Variants in TRPM1 observed in about 807,000 individuals in gnomAD.
TRPM1 encodes the protein TRPM1-203 APA Isoform, Intron 10.
TRPM1 carries 113 observed loss-of-function variants against 149.4 expected under a neutral mutation model. That is an observed-to-expected ratio of 0.76 (90% CI 0.65 to 0.88). The LOEUF is 0.88. Ranked by LOEUF, TRPM1 falls within the 40% of genes least tolerant of loss-of-function variation. The pLI is 0.00. For synonymous variants in TRPM1, 741 were observed against 759.5 expected, an observed-to-expected ratio of 0.98 and a Z score of 0.40; for missense variants, 1,976 against 2,038.7, an observed-to-expected ratio of 0.97 and a Z score of 0.59.
intron 1 of TRPM1, among the ~76,000 whole-genome samples, chr15:31,111,032 G>A (rs548310964): frequency 2.0e-5 from 3 of 150,260 alleles, no homozygotes; most frequent in Non-Finnish European, 4.4e-5. Context: ...ATGGTTTTTT[G>A]TTTCTTTGTT....
At chr15:31,112,507 T>C (rs1241005198) in intron 1 of TRPM1, among the ~76,000 whole-genome samples, 1 of 152,196 alleles carries the variant, frequency 6.6e-6, no homozygotes, top group East Asian at 1.9e-4. Flanking sequence ...TAGTCCCAAA[T>C]GCTCCCCAGT....
chr15:31,132,773 T>G (rs1266927615), intron 1 of TRPM1, among the ~76,000 whole-genome samples: 1 of 152,158 alleles, frequency 6.6e-6, no homozygotes, highest in East Asian at 1.9e-4. Context: ...TTGAATCATG[T>G]GGGCGGGTTT....
At chr15:31,158,262 A>G (rs2036402476) in intron 1 of TRPM1, among the ~76,000 whole-genome samples, 1 of 152,172 alleles carries the variant, frequency 6.6e-6, no homozygotes, top group Non-Finnish European at 1.5e-5. Context: ...ACCCCAAGAA[A>G]GGGTGCTTGG....
chr15:31,159,108 T>A, intron 1 of TRPM1, among the ~76,000 whole-genome samples: 1 of 151,998 alleles, frequency 6.6e-6, no homozygotes, highest in Non-Finnish European at 1.5e-5. Flanking sequence ...GAGGTCACCT[T>A]CGTCCTTGGG....
chr15:31,135,250 T>C (rs974455988), intron 1 of TRPM1, among the ~76,000 whole-genome samples: 8 of 152,052 alleles, frequency 5.3e-5, no homozygotes, highest in African/African-American at 1.9e-4. Context: ...TTACTACATG[T>C]GCACTCAAGC....
At chr15:31,017,808 G>A (rs2032417969) in intron 27 of TRPM1, among the ~76,000 whole-genome samples, 1 of 152,138 alleles carries the variant, frequency 6.6e-6, no homozygotes, top group Non-Finnish European at 1.5e-5. Flanking sequence ...TCAAATAATA[G>A]GTATGGCAAT....
intron 11 of TRPM1, among the ~76,000 whole-genome samples, chr15:31,053,868 GT>G (rs1335611888): frequency 6.6e-6 from 1 of 152,222 alleles, no homozygotes; most frequent in Non-Finnish European, 1.5e-5. Flanking sequence ...TAAGCAAAAT[GT>G]GGTCTATCCA....
chr15:31,073,762 G>A (rs1049790541), intron 3 of TRPM1, among the ~76,000 whole-genome samples: 6 of 152,046 alleles, frequency 3.9e-5, no homozygotes, highest in Non-Finnish European at 8.8e-5. Flanking sequence ...AGTAGCGAGA[G>A]AGGACATCCT....
intron 22 of TRPM1, among the ~76,000 whole-genome samples, chr15:31,031,984 A>G (rs1364270692): frequency 6.9e-6 from 1 of 144,926 alleles, no homozygotes; most frequent in Non-Finnish European, 1.5e-5. Context: ...ACCACATGTT[A>G]GGAGGTTATA....
intron 1 of TRPM1, among the ~76,000 whole-genome samples, chr15:31,111,650 T>C (rs185144156): frequency 1.2e-4 from 18 of 152,266 alleles, no homozygotes; most frequent in African/African-American, 3.9e-4. Flanking sequence ...CTCCTCACAG[T>C]CCACACGGGA....
At chr15:31,005,794 T>C (rs2141104837) in intron 27 of TRPM1, among the ~76,000 whole-genome samples, 1 of 152,354 alleles carries the variant, frequency 6.6e-6, no homozygotes, top group South Asian at 2.1e-4. Flanking sequence ...CTATCTCCTT[T>C]GTTAACCATG....
chr15:31,161,157 G>A (rs2036442155), exon 1 of TRPM1: 3 of 590,840 alleles, frequency 5.1e-6, no homozygotes, highest in South Asian at 4.2e-5. Flanking sequence ...TTCAGCCTAG[G>A]AGGAGCATGT....
intron 1 of TRPM1, among the ~76,000 whole-genome samples, chr15:31,086,321 A>T (rs1200314638): frequency 6.6e-6 from 1 of 152,210 alleles, no homozygotes; most frequent in Non-Finnish European, 1.5e-5. Context: ...GAGGCATCAG[A>T]CTGGATGCCT....
intron 1 of TRPM1, among the ~76,000 whole-genome samples, chr15:31,095,176 G>A (rs2035344662): frequency 6.6e-6 from 1 of 152,238 alleles, no homozygotes. Flanking sequence ...AATCCATACA[G>A]ACAAAGCACA....
At chr15:31,069,552 G>T in intron 4 of TRPM1, 1 of 1,178,338 alleles carries the variant, frequency 8.5e-7, no homozygotes, top group Non-Finnish European at 1.0e-6. Flanking sequence ...CTCACTGGAA[G>T]GGCAGAGGGC....
rs74516809 is a variant in TRPM1, at chr15:31,070,258, C to T, written c.84-32G>A. 665 of 1,587,788 alleles carry T rather than the reference C, an allele frequency of 4.2e-4. 3 individuals carry two copies. In the African/African-American group the frequency reaches 8.0e-3, roughly 19 times the overall value. On this transcript the variant is annotated intron_variant, in intron 3 of 27. Coordinates refer to ENST00000256552, the MANE Select transcript of TRPM1 (RefSeq NM_001252024.2). ...ACAAAGGCAAAGCAGGGTCTTTCTA[C>T]AACAATCTCCCCCTTTCCCCTTCAT... is the stretch of plus-strand genomic sequence containing the variant.
At chr15:31,150,254 A>T (rs573724255) in intron 1 of TRPM1, among the ~76,000 whole-genome samples, 1 of 152,238 alleles carries the variant, frequency 6.6e-6, no homozygotes, top group Admixed American at 6.5e-5. Flanking sequence ...GCTGATGTGC[A>T]TTGTGGATCT....
At chr15:31,031,428 C>A in intron 22 of TRPM1, 1 of 529,584 alleles carries the variant, frequency 1.9e-6, no homozygotes, top group South Asian at 2.6e-5. Context: ...AACACATGTC[C>A]CTTAGTAACT....
At chr15:31,036,685 A>C (rs1465105210) in intron 20 of TRPM1, among the ~76,000 whole-genome samples, 5 of 152,254 alleles carry the variant, frequency 3.3e-5, no homozygotes, top group African/African-American at 1.2e-4. Context: ...CATCTCCGGC[A>C]GCAGCCTCTA....
Sources: allele counts gnomAD v4.1 joint callset (sites outside exome capture counted in the v4.1 genomes callset), GRCh38; gene constraint gnomAD v4.1.1; transcripts MANE v1.5; gene names NCBI Gene and HGNC (gene_info 2026-07-23, HGNC 2026-07-21).